Variants in NIPBL observed in about 807,000 individuals in gnomAD.
NIPBL encodes the protein nipped-B-like protein.
NIPBL carries 19 observed loss-of-function variants against 321.8 expected under a neutral mutation model. The ratio of observed to expected loss-of-function variants is 0.06; its 90% CI spans 0.04 to 0.09. The LOEUF (loss-of-function observed/expected upper bound fraction) is 0.09. Ranked by LOEUF, NIPBL falls within the 10% of genes least tolerant of loss-of-function variation. The pLI is 1.00. For synonymous variants in NIPBL, 1,106 were observed against 1,114.1 expected (o/e 0.99, Z 0.14); for missense variants, 2,210 against 3,327.0 (o/e 0.66, Z 8.26).
intron 6 of NIPBL, among the ~76,000 whole-genome samples, chr5:36,970,015 C>T (rs754662885): frequency 3.9e-5 from 6 of 152,036 alleles, no homozygotes; most frequent in Non-Finnish European, 7.4e-5. Context: ...GCATTTTAAG[C>T]GATTTGAACA....
intron 1 of NIPBL, among the ~76,000 whole-genome samples, chr5:36,909,949 A>C (rs1747921649): frequency 6.6e-6 from 1 of 151,946 alleles, no homozygotes; most frequent in African/African-American, 2.4e-5. Flanking sequence ...GGTGGTGCAC[A>C]CCTGTAGTCC....
chr5:36,965,698 A>G (rs983308089), intron 6 of NIPBL, among the ~76,000 whole-genome samples: 11 of 152,158 alleles, frequency 7.2e-5, no homozygotes, highest in African/African-American at 1.4e-4. Context: ...AGAAAAGACA[A>G]ATATTAAGGT....
At position 36,898,457 on chromosome 5, in the gene NIPBL, T is replaced by A. The variant is rs144814450; in HGVS notation, c.-80+21279T>A. On this transcript the variant is annotated intron_variant, in intron 1 of 46. Transcript: ENST00000282516. ...AGGAAGTTAAATAATTTGCCCAAGC[T>A]TACACAGCTTGAAACAAGAGGAAGA... is the stretch of plus-strand genomic sequence containing the variant. Among the ~76,000 whole-genome samples the A allele has an allele frequency of 7.6e-4, 115 of 152,202 alleles. 1 individual carries two copies. The highest frequency in any genetic ancestry group is 2.6e-3 in the African/African-American group (109 of 41,552).
At chr5:37,027,677 G>A (rs535635377) in intron 32 of NIPBL, among the ~76,000 whole-genome samples, 101 of 142,804 alleles carry the variant, frequency 7.1e-4, no homozygotes, top group African/African-American at 2.6e-3. Flanking sequence ...GGAGTGCAGT[G>A]GCACAATCTT....
chr5:36,953,703 G>A lies in NIPBL; in HGVS notation c.7G>A (p.Gly3Arg). The A allele has an allele frequency of 6.2e-7, 1 of 1,613,758 alleles. No homozygotes were observed. The highest frequency in any genetic ancestry group is 8.5e-7 in the Non-Finnish European group (1 of 1,179,682). Residue 3 changes from glycine to arginine, a missense_variant, in exon 2 of 47, where the codon GGG becomes AGG. By Grantham distance (125) the Gly-to-Arg change is moderately radical. Around this residue, in one of 14 missense-constraint regions of NIPBL, gnomAD observed 28 missense variants for 65.5 expected, o/e 0.43. Transcript: ENST00000282516. MN[G>R]DMPHVPITTL... ...ACCATTCCAGAAATTCAGGATGAAT[G>A]GGGATATGCCCCATGTCCCCATTAC...
intron 10 of NIPBL, among the ~76,000 whole-genome samples, chr5:36,989,490 T>A (rs529040841): frequency 3.3e-5 from 5 of 152,100 alleles, no homozygotes; most frequent in Non-Finnish European, 7.4e-5. Flanking sequence ...CCAAAAAATA[T>A]GTTGTTAAAA....
chr5:37,029,341 A>G lies in NIPBL; in HGVS notation c.5862+1929A>G, dbSNP rs114068645. Among the ~76,000 whole-genome samples the G allele has an allele frequency of 8.2e-3, 1,242 of 152,294 alleles. 12 individuals are homozygous for G. Among genetic ancestry groups the G allele is most frequent in the African/African-American group, 0.028 (1,180 of 41,556 alleles). ...CTATCAATGGAGTCATACAGTATGT[A>G]ATCTTGTGTTTGACTTTTTAAACTT... On this transcript the variant is annotated intron_variant, in intron 32 of 46. Transcript: ENST00000282516.
At chr5:36,923,726 T>C (rs907468440) in intron 1 of NIPBL, among the ~76,000 whole-genome samples, 1 of 152,198 alleles carries the variant, frequency 6.6e-6, no homozygotes, top group African/African-American at 2.4e-5. Flanking sequence ...TACCAACTGA[T>C]TGATATAAAT....
chr5:37,049,001 A>G, intron 39 of NIPBL, 110 bp from the exon 40 acceptor site: 1 of 1,075,710 alleles, frequency 9.3e-7, no homozygotes, highest in Non-Finnish European at 1.4e-6. Context: ...ATTGAGCCAG[A>G]ACACTAGCTG....
chr5:37,008,556 CATG>C (rs1747713397), intron 19 of NIPBL, 64 bp from the exon 20 acceptor site: 5 of 836,654 alleles, frequency 6.0e-6, no homozygotes, highest in Non-Finnish European at 8.2e-6. Flanking sequence ...TTTTAAATCA[CATG>C]ATATTATTTT....
At chr5:37,037,903 GCAA>G (rs1217330847) in intron 33 of NIPBL, among the ~76,000 whole-genome samples, 1 of 149,756 alleles carries the variant, frequency 6.7e-6, no homozygotes, top group Non-Finnish European at 1.5e-5. Flanking sequence ...TTCTTCTACT[GCAA>G]CAACATGTCT....
At chr5:36,991,752 T>G (rs1459212815) in intron 10 of NIPBL, among the ~76,000 whole-genome samples, 3 of 151,630 alleles carry the variant, frequency 2.0e-5, no homozygotes, top group Non-Finnish European at 4.4e-5. Flanking sequence ...CAAGTTTTTT[T>G]TTTTTTTTTT....
At chr5:37,060,507 T>G (rs1754553834) in intron 44 of NIPBL, among the ~76,000 whole-genome samples, 1 of 152,118 alleles carries the variant, frequency 6.6e-6, no homozygotes, top group Non-Finnish European at 1.5e-5. Context: ...AGATGCAAAA[T>G]AATTTAAAAC....
intron 1 of NIPBL, among the ~76,000 whole-genome samples, chr5:36,893,423 A>G (rs901424837): frequency 5.9e-5 from 9 of 152,200 alleles, no homozygotes; most frequent in Admixed American, 2.6e-4. Context: ...GGTTCTAAGT[A>G]TACTTAAACA....
chr5:37,045,649 G>A (rs749457724), intron 37 of NIPBL, 52 bp downstream of exon 37: 1 of 1,559,968 alleles, frequency 6.4e-7, no homozygotes, highest in Admixed American at 1.7e-5. Flanking sequence ...ATATGGCACT[G>A]TGATCTGAGA....
At chr5:36,884,212 T>G (rs74899999) in intron 1 of NIPBL, among the ~76,000 whole-genome samples, 1,799 of 152,154 alleles carry the variant, frequency 0.012, 33 homozygotes, top group African/African-American at 0.041. Context: ...CCAAAGCAAA[T>G]TTTTACATAC....
At chr5:36,880,472 G>T (rs1389011459) in intron 1 of NIPBL, among the ~76,000 whole-genome samples, 2 of 151,988 alleles carry the variant, frequency 1.3e-5, no homozygotes, top group Non-Finnish European at 2.9e-5. Flanking sequence ...TCAGTTTTAT[G>T]TGAAGTGATT....
intron 1 of NIPBL, among the ~76,000 whole-genome samples, chr5:36,894,368 T>A (rs1198312109): frequency 6.6e-6 from 1 of 152,166 alleles, no homozygotes; most frequent in Non-Finnish European, 1.5e-5. Context: ...GAAGTTTGAT[T>A]TAACCTTTGT....
In NIPBL at chr5:36,970,954, A is replaced by G. The variant is rs369282785; in HGVS notation, c.689A>G (p.Asn230Ser). 35 of 1,613,626 alleles carry G rather than the reference A, an allele frequency of 2.2e-5. No individual in the cohort carries two copies. Among genetic ancestry groups the G allele is most frequent in the South Asian group, 1.1e-4 (10 of 91,070 alleles). Residue 230 changes from asparagine to serine, a missense_variant, in exon 7 of 47, where the codon AAT (asparagine) becomes AGT (serine). Asn to Ser is a conservative substitution (Grantham distance 46). This residue lies in a region of NIPBL where 464 missense variants were observed against 529.5 expected (regional missense o/e 0.88). Transcript: ENST00000282516. Reference sequence around the variant, plus strand: ...AAAGTTTCTGGTCCGTTGTCTGGCAATTCAGCTAATCATCATGCTGATAAT... The same window carrying G: ...AAAGTTTCTGGTCCGTTGTCTGGCAGTTCAGCTAATCATCATGCTGATAAT... The part of the protein sequence containing the change: ...DNKVSGPLSG[N>S]SANHHADNPR...
Sources: gnomAD v4.1 joint callset for allele counts (sites outside exome capture counted in the v4.1 genomes callset) on GRCh38, gnomAD v4.1.1 for gene constraint, gnomAD v4.1.1 regional missense constraint, MANE v1.5 for transcripts, NCBI Gene and HGNC (gene_info 2026-07-23, HGNC 2026-07-21) for gene names.